PPP1R9A: variants seen among roughly 807,000 people sequenced by gnomAD.
The protein encoded by PPP1R9A is protein phosphatase 1 regulatory subunit 9A, also known as neurabin-1.
Under a neutral mutation model 141.9 loss-of-function variants are expected in PPP1R9A, and 59 were observed. The ratio of observed to expected loss-of-function variants is 0.42; its 90% CI spans 0.34 to 0.52. The LOEUF is 0.52. PPP1R9A is among the 20% of genes least tolerant of loss of function. The pLI is 0.10. For missense variants in PPP1R9A, 1,444 were observed against 1,611.9 expected (o/e 0.90, Z 1.78); for synonymous variants, 500 against 569.7 (o/e 0.88, Z 1.74).
At chr7:95,135,177 T>C (rs1361013345) in intron 4 of PPP1R9A, among the ~76,000 whole-genome samples, 1 of 152,232 alleles carries the variant, frequency 6.6e-6, no homozygotes, top group African/African-American at 2.4e-5. Flanking sequence ...TATATGCATA[T>C]ACACATATTT....
At chr7:95,016,120 G>A (rs984686096) in intron 2 of PPP1R9A, among the ~76,000 whole-genome samples, 1 of 152,052 alleles carries the variant, frequency 6.6e-6, no homozygotes, top group Admixed American at 6.6e-5. Flanking sequence ...AACCACAGAT[G>A]AAAACAAAGT....
intron 5 of PPP1R9A, among the ~76,000 whole-genome samples, chr7:95,183,799 A>G (rs1243237517): frequency 1.8e-4 from 28 of 151,818 alleles, no homozygotes. Flanking sequence ...ATTTCAAAGA[A>G]CTAATGCCTA....
chr7:94,912,060 A>G (rs969831943), intron 2 of PPP1R9A, among the ~76,000 whole-genome samples: 1 of 152,192 alleles, frequency 6.6e-6, no homozygotes, highest in African/African-American at 2.4e-5. Flanking sequence ...AATTTAATTT[A>G]TGGAAATATA....
chr7:95,148,731 C>T (rs1489171257), intron 4 of PPP1R9A, among the ~76,000 whole-genome samples: 1 of 146,458 alleles, frequency 6.8e-6, no homozygotes, highest in Non-Finnish European at 1.5e-5. Context: ...AAAGAGAGAA[C>T]AACACAGGGC....
chr7:95,024,868 G>A (rs146360892), intron 2 of PPP1R9A, among the ~76,000 whole-genome samples: 102 of 152,232 alleles, frequency 6.7e-4, no homozygotes, highest in Non-Finnish European at 1.2e-3. Flanking sequence ...TTTCTTCCTA[G>A]TGTCAATAGG....
At chr7:95,094,302 T>A (rs1305897246) in intron 2 of PPP1R9A, among the ~76,000 whole-genome samples, 1 of 152,134 alleles carries the variant, frequency 6.6e-6, no homozygotes, top group African/African-American at 2.4e-5. Flanking sequence ...TATGCCCTTC[T>A]CCATCTCCAT....
chr7:95,112,660 T>C (rs988230516), intron 3 of PPP1R9A, among the ~76,000 whole-genome samples: 11 of 152,174 alleles, frequency 7.2e-5, no homozygotes, highest in Admixed American at 5.9e-4. Context: ...AGCAAAGTCA[T>C]GGAATCAACC....
intron 7 of PPP1R9A, among the ~76,000 whole-genome samples, chr7:95,211,324 C>T (rs1792079420): frequency 6.6e-6 from 1 of 152,142 alleles, no homozygotes; most frequent in Non-Finnish European, 1.5e-5. Flanking sequence ...TTCCAGAAAG[C>T]TGCCAACCTG....
intron 6 of PPP1R9A, among the ~76,000 whole-genome samples, chr7:95,199,587 G>C (rs1041616188): frequency 1.3e-5 from 2 of 152,146 alleles, no homozygotes; most frequent in African/African-American, 2.4e-5. Flanking sequence ...CAGAAAATTA[G>C]AGGTGGTATA....
intron 2 of PPP1R9A, among the ~76,000 whole-genome samples, chr7:94,970,328 A>G (rs1292217673): frequency 6.6e-6 from 1 of 152,196 alleles, no homozygotes; most frequent in Non-Finnish European, 1.5e-5. Context: ...CCATGGGAAA[A>G]GTATAGTATC....
intron 8 of PPP1R9A, among the ~76,000 whole-genome samples, chr7:95,241,332 G>A (rs1240964064): frequency 6.6e-6 from 1 of 152,108 alleles, no homozygotes; most frequent in Admixed American, 6.5e-5. Context: ...CCCATTCCTG[G>A]GCAAGACAGT....
At chr7:94,946,175 A>G (rs1314812758) in intron 2 of PPP1R9A, among the ~76,000 whole-genome samples, 1 of 152,142 alleles carries the variant, frequency 6.6e-6, no homozygotes, top group Non-Finnish European at 1.5e-5. Context: ...TTCCATAGGT[A>G]CCATTACTTA....
At chr7:95,087,765 G>A (rs1014440494) in intron 2 of PPP1R9A, among the ~76,000 whole-genome samples, 4 of 151,812 alleles carry the variant, frequency 2.6e-5, no homozygotes, top group African/African-American at 9.7e-5. Flanking sequence ...TGCGGTGGCA[G>A]GCGTCTGTAA....
At chr7:94,924,088 A>G (rs1793159807) in intron 2 of PPP1R9A, among the ~76,000 whole-genome samples, 2 of 152,234 alleles carry the variant, frequency 1.3e-5, no homozygotes, top group South Asian at 2.1e-4. Flanking sequence ...TATTTAAAGA[A>G]AAAGAGGCAA....
rs1318177625 is a variant in PPP1R9A at position 94,975,451 on chromosome 7, G to A, written c.1395+63943G>A. ...CTGAGTGGAAGAGGTCTAGTGTAAA[G>A]TGACTCATTCTTAAACATATTCAGA... On this transcript the variant is annotated intron_variant, in intron 2 of 19. Transcript: ENST00000433360. Among the ~76,000 whole-genome samples, 6 of 146,996 alleles carry A rather than the reference G, an allele frequency of 4.1e-5. No individual in the cohort carries two copies. In the South Asian group the frequency reaches 1.4e-3, roughly 34 times the overall value.
At chr7:95,090,012 G>A (rs1389852555) in intron 2 of PPP1R9A, among the ~76,000 whole-genome samples, 3 of 151,944 alleles carry the variant, frequency 2.0e-5, no homozygotes, top group Non-Finnish European at 4.4e-5. Flanking sequence ...ATAAAGTACA[G>A]TGGACTTTCC....
chr7:94,999,777 T>TTTTTA (rs556826158), intron 2 of PPP1R9A, among the ~76,000 whole-genome samples: 1 of 141,304 alleles, frequency 7.1e-6, no homozygotes, highest in African/African-American at 2.7e-5. Context: ...AGATATCTTA[T>TTTTTA]TTTATTTATT....
At chr7:94,948,903 A>G (rs1796167328) in intron 2 of PPP1R9A, among the ~76,000 whole-genome samples, 1 of 152,072 alleles carries the variant, frequency 6.6e-6, no homozygotes, top group Non-Finnish European at 1.5e-5. Context: ...TCAAGGGTAT[A>G]TATCACTACG....
intron 5 of PPP1R9A, among the ~76,000 whole-genome samples, chr7:95,172,421 A>G (rs1832256872): frequency 6.6e-6 from 1 of 151,862 alleles, no homozygotes; most frequent in Non-Finnish European, 1.5e-5. Flanking sequence ...ATCATGTTAT[A>G]GAAGATGAAG....
Sources: gnomAD v4.1 joint callset for allele counts (sites outside exome capture counted in the v4.1 genomes callset) on GRCh38, gnomAD v4.1.1 for gene constraint, MANE v1.5 for transcripts, NCBI Gene and HGNC (gene_info 2026-07-23, HGNC 2026-07-21) for gene names.